The following EGFLAM variants were observed in gnomAD, a reference collection of about 807,000 sequenced individuals.
EGFLAM encodes the protein pikachurin.
In EGFLAM, 79 loss-of-function variants were observed where a neutral mutation model predicts 113.1. The ratio of observed to expected loss-of-function variants is 0.70; its 90% CI spans 0.58 to 0.84. The LOEUF is 0.84. EGFLAM is among the 40% of genes least tolerant of loss of function. The pLI, the probability that EGFLAM is intolerant of heterozygous loss-of-function variation, is 0.00. For synonymous variants in EGFLAM, 504 were observed against 487.6 expected, an observed-to-expected ratio of 1.03 and a Z score of -0.44; for missense variants, 1,265 against 1,291.6, an observed-to-expected ratio of 0.98 and a Z score of 0.32.
intron 20 of EGFLAM, chr5:38,461,218 G>A (rs1743260670): frequency 6.6e-6 from 1 of 152,142 alleles, no homozygotes; most frequent in Non-Finnish European, 1.5e-5. Context: ...CAGATTCACT[G>A]TTCATTCATC....
rs540014023 is a variant in EGFLAM at position 38,352,462 on chromosome 5, C to A, written c.545+131C>A. The stretch of plus-strand genomic sequence containing the variant: ...AGGAGTTCGAGACCAGCCTGACCAA[C>A]ATGGTGAAACCCCGTCTCTACTAAA... On this transcript the variant is annotated intron_variant, in intron 5 of 21. Coordinates refer to ENST00000322350, the MANE Select transcript of EGFLAM (RefSeq NM_152403.4). 11 of 1,176,144 alleles carry A rather than the reference C, an allele frequency of 9.4e-6. No individual in the cohort carries two copies. In the African/African-American group the frequency reaches 1.7e-4, roughly 18 times the overall value. The allele number at this position is 1,176,144 out of a possible 1,614,324, so 72.9% of individuals were successfully genotyped here.
rs150502388 is a variant in EGFLAM, at chr5:38,428,800, T to C, written c.2054+1548T>C. 2.1e-3 allele frequency among the ~76,000 whole-genome samples: 324 copies of C among 152,326 alleles called. 4 individuals are homozygous for C. The highest frequency in any genetic ancestry group is 7.4e-3 in the African/African-American group (308 of 41,572). ...TGCTTATTTTTGACACGAGGTGCTT[T>C]TAATTTTTTTTTGTAAATTTACTAA... On this transcript the variant is annotated intron_variant, in intron 14 of 21. Coordinates refer to ENST00000322350, the MANE Select transcript of EGFLAM (RefSeq NM_152403.4).
Position 38,427,203 on chromosome 5 carries a change from G to C in EGFLAM, c.2005G>C (p.Gly669Arg). Residue 669 changes from glycine to arginine, a missense_variant, in exon 14 of 22, where the codon GGC (glycine) becomes CGC (arginine). Physicochemically the swap from Gly to Arg is moderately radical, Grantham distance 125 (BLOSUM62 -2). Coordinates refer to ENST00000322350, the MANE Select transcript of EGFLAM (RefSeq NM_152403.4). ...KDFLSINLAG[G>R]HVEFRFDCGS... is the part of the protein sequence containing the mutation. ...CTTCCTGTCCATCAACTTGGCAGGG[G>C]GCCACGTGGAGTTCCGCTTTGACTG... The C allele has an allele frequency of 6.2e-7, 1 of 1,614,152 alleles. No homozygotes were observed. The highest frequency in any genetic ancestry group is 1.3e-5 in the African/African-American group (1 of 75,042).
intron 1 of EGFLAM, among the ~76,000 whole-genome samples, chr5:38,268,735 A>G (rs1382544628): frequency 6.6e-6 from 1 of 152,230 alleles, no homozygotes; most frequent in Non-Finnish European, 1.5e-5. Flanking sequence ...GCTGGAGGCC[A>G]CCACAATTTT....
chr5:38,440,435 C>A (rs79194265), intron 17 of EGFLAM, among the ~76,000 whole-genome samples: 1 of 152,070 alleles, frequency 6.6e-6, no homozygotes, highest in African/African-American at 2.4e-5. Context: ...CAGCAGGTAC[C>A]AATTGTGGGC....
chr5:38,438,135 A>G (rs1038113269), intron 16 of EGFLAM, 140 bp from the exon 17 acceptor site: 8 of 778,358 alleles, frequency 1.0e-5, no homozygotes, highest in Admixed American at 7.6e-5. Context: ...AAAAAAAAAA[A>G]AAAAAGTGGA....
chr5:38,441,593 T>TACACACACACACAC (rs3048229), intron 17 of EGFLAM, among the ~76,000 whole-genome samples: 4,545 of 147,582 alleles, frequency 0.031, 137 homozygotes, highest in African/African-American at 0.078. Flanking sequence ...CGCTGCTTTG[T>TACACACACACACAC]ACACACACAC....
In EGFLAM at chr5:38,291,311, T is replaced by C. The variant is rs971917370; in HGVS notation, c.97+32460T>C. 2.0e-5 allele frequency among the ~76,000 whole-genome samples: 3 copies of C among 152,332 alleles called. No homozygotes were observed. The South Asian group carries it at 6.2e-4, about 32-fold the overall frequency. On this transcript the variant is annotated intron_variant, in intron 1 of 21. Transcript: ENST00000322350. Reference sequence around the variant, plus strand: ...AATATCCATATGCATATTCATTTCATTTTCGGCCCATGTTGGCTGACCTTC... The same window carrying C: ...AATATCCATATGCATATTCATTTCACTTTCGGCCCATGTTGGCTGACCTTC...
chr5:38,385,040 A>C (rs185429667), intron 6 of EGFLAM, among the ~76,000 whole-genome samples: 3 of 152,290 alleles, frequency 2.0e-5, no homozygotes, highest in African/African-American at 7.2e-5. Context: ...ATAGTACTGA[A>C]GTTGAGGAAC....
chr5:38,457,301 C>T (rs1224339168), intron 19 of EGFLAM, among the ~76,000 whole-genome samples: 1 of 152,172 alleles, frequency 6.6e-6, no homozygotes, highest in Non-Finnish European at 1.5e-5. Context: ...AATTAGGTGG[C>T]TTAAAACAAT....
intron 5 of EGFLAM, among the ~76,000 whole-genome samples, chr5:38,355,383 G>T (rs961303882): frequency 6.6e-6 from 1 of 152,166 alleles, no homozygotes; most frequent in African/African-American, 2.4e-5. Context: ...AGTGACAGGA[G>T]CACAGCATGT....
intron 1 of EGFLAM, among the ~76,000 whole-genome samples, chr5:38,274,915 T>C (rs1426894440): frequency 6.6e-6 from 1 of 152,168 alleles, no homozygotes; most frequent in Admixed American, 6.5e-5. Context: ...ATATGAAACA[T>C]AAAAATGTAA....
intron 16 of EGFLAM, among the ~76,000 whole-genome samples, chr5:38,435,585 T>C (rs1453399660): frequency 6.6e-6 from 1 of 151,902 alleles, no homozygotes; most frequent in Non-Finnish European, 1.5e-5. Flanking sequence ...GGGAAGGAGG[T>C]GGACGGAGGT....
intron 1 of EGFLAM, among the ~76,000 whole-genome samples, chr5:38,294,055 T>C (rs1361823454): frequency 6.6e-6 from 1 of 152,228 alleles, no homozygotes; most frequent in Non-Finnish European, 1.5e-5. Context: ...AGTTATCATC[T>C]ATTCTCACTC....
rs1048133638 is a variant in EGFLAM at position 38,451,512 on chromosome 5, G to A, written c.2687+54G>A. ...GCACCTTGCGATTTTCTCAGACATTGCAGATCATGCCAGAGTGATTCAGAA... is the reference window on the plus strand; with the variant it reads ...GCACCTTGCGATTTTCTCAGACATTACAGATCATGCCAGAGTGATTCAGAA... On this transcript the variant is annotated intron_variant, in intron 19 of 21. Coordinates refer to ENST00000322350, the MANE Select transcript of EGFLAM (RefSeq NM_152403.4). 18 of 1,592,356 alleles carry A rather than the reference G, an allele frequency of 1.1e-5. No individual in the cohort carries two copies. The Admixed American group carries it at 2.4e-4, about 21-fold the overall frequency.
intron 1 of EGFLAM, among the ~76,000 whole-genome samples, chr5:38,334,967 G>A (rs80067254): frequency 0.037 from 5,700 of 152,220 alleles, 362 homozygotes; most frequent in African/African-American, 0.13. Flanking sequence ...GGGTTGGGGA[G>A]TACTACTGTC....
chr5:38,423,651 C>T (rs779228334), intron 12 of EGFLAM, among the ~76,000 whole-genome samples: 1 of 152,156 alleles, frequency 6.6e-6, no homozygotes, highest in African/African-American at 2.4e-5. Context: ...TCTGTGGAGG[C>T]TGTGAATGCT....
intron 6 of EGFLAM, among the ~76,000 whole-genome samples, chr5:38,377,272 G>T (rs1740392269): frequency 6.6e-6 from 1 of 151,936 alleles, no homozygotes; most frequent in Non-Finnish European, 1.5e-5. Context: ...CGAGTAGCTG[G>T]GATTACAAGC....
intron 6 of EGFLAM, among the ~76,000 whole-genome samples, chr5:38,384,059 C>A (rs2112069492): frequency 1.3e-5 from 2 of 152,218 alleles, no homozygotes; most frequent in Middle Eastern, 6.8e-3. Flanking sequence ...AGCAAAATGA[C>A]ATGGCCTGAC....
Sources: allele counts gnomAD v4.1 joint callset (sites outside exome capture counted in the v4.1 genomes callset), GRCh38; gene constraint gnomAD v4.1.1; transcripts MANE v1.5; gene names NCBI Gene and HGNC (gene_info 2026-07-23, HGNC 2026-07-21).